RBFOX1: variants seen among roughly 807,000 people sequenced by gnomAD.
RBFOX1 encodes the protein RNA binding protein fox-1 homolog 1.
Under a neutral mutation model 57.7 loss-of-function variants are expected in RBFOX1, and 8 were observed. The observed-to-expected ratio is 0.14, with a 90% CI of 0.08 to 0.25. The LOEUF is 0.25. Ranked by LOEUF, RBFOX1 falls within the 10% of genes least tolerant of loss-of-function variation. RBFOX1 has a pLI of 1.00. For synonymous variants in RBFOX1, 326 were observed against 222.4 expected, an observed-to-expected ratio of 1.47 and a Z score of -4.15; for missense variants, 611 against 548.5, an observed-to-expected ratio of 1.11 and a Z score of -1.14.
rs567815595 is a variant in RBFOX1 at position 7,135,630 on chromosome 16, C to T, written c.27+83532C>T. ...ACTTTGTAGTTGTTAATTTAATTGCCGCTGTTCGCGGCATCCCTGAAGAAT... is the reference window on the plus strand; with the variant it reads ...ACTTTGTAGTTGTTAATTTAATTGCTGCTGTTCGCGGCATCCCTGAAGAAT... On this transcript the variant is annotated intron_variant, in intron 4 of 15. Coordinates refer to ENST00000550418, the MANE Select transcript of RBFOX1 (RefSeq NM_018723.4). Among the ~76,000 whole-genome samples the T allele has an allele frequency of 1.3e-3, 198 of 152,276 alleles. 4 individuals are homozygous for T. The South Asian group carries it at 0.032, about 24-fold the overall frequency.
chr16:5,634,770 T>C (rs766751064), intron 3 of RBFOX1, among the ~76,000 whole-genome samples: 16 of 152,230 alleles, frequency 1.1e-4, no homozygotes, highest in Non-Finnish European at 2.4e-4. Context: ...CTGACTTCCT[T>C]CTGCAGACAG....
intron 3 of RBFOX1, among the ~76,000 whole-genome samples, chr16:6,926,192 A>C (rs930326434): frequency 6.6e-6 from 1 of 152,168 alleles, no homozygotes; most frequent in Admixed American, 6.5e-5. Flanking sequence ...CTGTAATCTC[A>C]GCTAATCCAG....
rs1416781029 is a variant in RBFOX1, at chr16:6,097,981, A to G, written c.-127+77989A>G. Among the ~76,000 whole-genome samples the G allele has an allele frequency of 6.6e-6, 1 of 152,074 alleles. No individual in the cohort carries two copies. The highest frequency in any genetic ancestry group is 2.4e-5 in the African/African-American group (1 of 41,414). ...AGGGCCCCTGCTTGGTCTAGGATGG[A>G]GCCTGCAATTTTGCATTTGTGACAA... On this transcript the variant is annotated intron_variant, in intron 1 of 15. Coordinates refer to ENST00000550418, the MANE Select transcript of RBFOX1 (RefSeq NM_018723.4). The surrounding 1 kb of genome is among the most constrained non-coding windows in gnomAD (Gnocchi z 5.0).
At chr16:7,312,508 A>G (rs1382417949) in intron 4 of RBFOX1, among the ~76,000 whole-genome samples, 2 of 152,194 alleles carry the variant, frequency 1.3e-5, no homozygotes, top group African/African-American at 2.4e-5. Context: ...TAATACACCC[A>G]TGGCCTGCCA....
intron 4 of RBFOX1, among the ~76,000 whole-genome samples, chr16:7,396,696 T>A (rs1182372424): frequency 6.6e-6 from 1 of 152,158 alleles, no homozygotes; most frequent in South Asian, 2.1e-4. Context: ...TCCCAGCACT[T>A]TGGGAGGCTG....
intron 2 of RBFOX1, among the ~76,000 whole-genome samples, chr16:5,526,380 C>T (rs934582221): frequency 1.3e-5 from 2 of 152,240 alleles, no homozygotes; most frequent in Middle Eastern, 6.8e-3. Flanking sequence ...CCCCTGCCTC[C>T]CGGGGTCAAG....
At chr16:5,851,398 G>T (rs181081444) in intron 3 of RBFOX1, among the ~76,000 whole-genome samples, 21 of 152,036 alleles carry the variant, frequency 1.4e-4, no homozygotes, top group Admixed American at 5.2e-4. Flanking sequence ...TCCCTAGACC[G>T]CCTCTCTCTG....
rs373602507 is a variant in RBFOX1, at chr16:5,485,160, C to T, written c.258+17906C>T. 7.9e-5 allele frequency among the ~76,000 whole-genome samples: 12 copies of T among 151,894 alleles called. No homozygotes were observed. The East Asian group carries it at 9.7e-4, about 12-fold the overall frequency. On this transcript the variant is annotated intron_variant, in intron 2 of 2. Coordinates refer to the RBFOX1 transcript ENST00000585867. ...AGAAGATCAAGACCGTCCTGGCTAA[C>T]ATGGAGAAACCCCGTCTCTACTAAA...
intron 1 of RBFOX1, among the ~76,000 whole-genome samples, chr16:6,109,857 A>G (rs1223814771): frequency 6.6e-6 from 1 of 152,230 alleles, no homozygotes; most frequent in Non-Finnish European, 1.5e-5. Flanking sequence ...ATAGGATATT[A>G]TATAAATTTC....
intron 4 of RBFOX1, chr16:7,126,508 C>T (rs1293985394): frequency 9.0e-6 from 2 of 222,054 alleles, no homozygotes; most frequent in African/African-American, 4.6e-5. Context: ...GTGGCCTCTA[C>T]TATGTTTTGA....
intron 3 of RBFOX1, among the ~76,000 whole-genome samples, chr16:6,665,036 T>G (rs1237556189): frequency 6.6e-6 from 1 of 152,190 alleles, no homozygotes; most frequent in Non-Finnish European, 1.5e-5. Flanking sequence ...CAGACTAGCT[T>G]AAGGAGAAAA....
chr16:5,662,658 C>T (rs556466026), intron 3 of RBFOX1, among the ~76,000 whole-genome samples: 36 of 152,258 alleles, frequency 2.4e-4, no homozygotes, highest in African/African-American at 7.9e-4. Flanking sequence ...AAACTTAAAA[C>T]ACATGAAATA....
At chr16:7,370,844 T>A (rs73549051) in intron 4 of RBFOX1, among the ~76,000 whole-genome samples, 1 of 152,184 alleles carries the variant, frequency 6.6e-6, no homozygotes, top group Non-Finnish European at 1.5e-5. Context: ...GTAGGCATGA[T>A]TAATTGCAAA....
intron 2 of RBFOX1, among the ~76,000 whole-genome samples, chr16:6,507,274 C>T (rs1270294568): frequency 6.6e-6 from 1 of 152,054 alleles, no homozygotes; most frequent in South Asian, 2.1e-4. Context: ...CACCCATTTT[C>T]ATAGCAGCAT....
chr16:5,528,210 G>A (rs1383561041), intron 2 of RBFOX1, among the ~76,000 whole-genome samples: 15 of 152,264 alleles, frequency 9.9e-5, no homozygotes, highest in African/African-American at 3.4e-4. Flanking sequence ...CCTTGACGAT[G>A]ATCCACAGAG....
chr16:5,442,697 A>G lies in RBFOX1; in HGVS notation c.220-24519A>G, dbSNP rs370115602. On this transcript the variant is annotated intron_variant, in intron 1 of 2. Transcript: ENST00000585867. Reference sequence around the variant, plus strand: ...CCTTTACTGAGCCCTGCTATGTGCCATCACCTGGCCACACACCTAGCATTA... The same window carrying G: ...CCTTTACTGAGCCCTGCTATGTGCCGTCACCTGGCCACACACCTAGCATTA... Among the ~76,000 whole-genome samples the G allele has an allele frequency of 7.9e-4, 121 of 152,280 alleles. No homozygotes were observed. The South Asian group carries it at 0.024, about 30-fold the overall frequency.
chr16:6,126,945 A>G (rs377116805), intron 1 of RBFOX1, among the ~76,000 whole-genome samples: 1 of 152,186 alleles, frequency 6.6e-6, no homozygotes, highest in Non-Finnish European at 1.5e-5. Flanking sequence ...AAAAAAATCA[A>G]TGTGGTTGTG....
chr16:6,837,947 T>A (rs2093219035), intron 3 of RBFOX1, among the ~76,000 whole-genome samples: 1 of 150,962 alleles, frequency 6.6e-6, no homozygotes, highest in South Asian at 2.1e-4. Context: ...ACCACCTCTT[T>A]CCATGGCAAC....
chr16:7,333,217 C>G, intron 4 of RBFOX1: 1 of 793,680 alleles, frequency 1.3e-6, no homozygotes, highest in Non-Finnish European at 2.1e-6. Context: ...AGTGAGAAGA[C>G]AGTAGGAAAT....
Sources: gnomAD v4.1 joint callset for allele counts (sites outside exome capture counted in the v4.1 genomes callset) on GRCh38, gnomAD v4.1.1 for gene constraint, Gnocchi (gnomAD v3.1) non-coding constraint, MANE v1.5 for transcripts, NCBI Gene and HGNC (gene_info 2026-07-23, HGNC 2026-07-21) for gene names.